IMPG1: variants seen among roughly 807,000 people sequenced by gnomAD.
IMPG1 encodes interphotoreceptor matrix proteoglycan of 150 kDa.
IMPG1 carries 85 observed loss-of-function variants against 92.0 expected under a neutral mutation model. The ratio of observed to expected loss-of-function variants is 0.92; its 90% CI spans 0.78 to 1.11. The LOEUF is 1.11. IMPG1 is among the 50% of genes least tolerant of loss of function. IMPG1 has a pLI of 0.00. For missense variants in IMPG1, 1,022 were observed against 956.0 expected (o/e 1.07, Z -0.91); for synonymous variants, 367 against 334.1 (o/e 1.10, Z -1.08).
chr6:76,035,423 T>TGGGAGGCGGAGGTTGCG (rs1783724298), intron 2 of IMPG1, among the ~76,000 whole-genome samples: 1 of 139,904 alleles, frequency 7.1e-6, no homozygotes, highest in Admixed American at 7.9e-5. Context: ...TGCTTGAACC[T>TGGGAGGCGGAGGTTGCG]GGGAGGCGGA....
chr6:75,962,468 G>A (rs965709513), intron 12 of IMPG1, among the ~76,000 whole-genome samples: 1 of 152,096 alleles, frequency 6.6e-6, no homozygotes, highest in Non-Finnish European at 1.5e-5. Context: ...CAAATAAAAG[G>A]TGTGTACCAA....
chr6:76,005,373 A>G lies in IMPG1; in HGVS notation c.1049T>C (p.Leu350Pro). The G allele has an allele frequency of 6.2e-7, 1 of 1,613,978 alleles. No individual in the cohort carries two copies. Among genetic ancestry groups the G allele is most frequent in the Non-Finnish European group, 8.5e-7 (1 of 1,179,902 alleles). ...MEEDKQPEIY[L>P]TATDLKRLIS... ...CAGCCTTTTGAGGTCTGTAGCTGTG[A>G]GATAGATTTCTGGTTGCTTGTCCTC... The change falls in exon 10 of 17, where the codon CTC becomes CCC. Residue 350 changes from leucine to proline, a missense_variant. Transcript: ENST00000369950.
chr6:76,049,527 A>C (rs1784000911), intron 1 of IMPG1, among the ~76,000 whole-genome samples: 1 of 152,140 alleles, frequency 6.6e-6, no homozygotes, highest in Non-Finnish European at 1.5e-5. Context: ...ATGTGCTTAT[A>C]GAGCCTGGTG....
intron 12 of IMPG1, among the ~76,000 whole-genome samples, chr6:75,955,133 T>G (rs2149459280): frequency 6.6e-6 from 1 of 152,354 alleles, no homozygotes; most frequent in South Asian, 2.1e-4. Context: ...AAAGTGTTTT[T>G]TTCTAATTCT....
intron 12 of IMPG1, among the ~76,000 whole-genome samples, chr6:75,962,526 G>A (rs1782227045): frequency 6.6e-6 from 1 of 152,102 alleles, no homozygotes; most frequent in Non-Finnish European, 1.5e-5. Flanking sequence ...CACAGAACAG[G>A]AGAATAAACC....
At chr6:75,932,516 A>T (rs1244927305) in intron 14 of IMPG1, among the ~76,000 whole-genome samples, 3 of 152,204 alleles carry the variant, frequency 2.0e-5, no homozygotes, top group Non-Finnish European at 4.4e-5. Context: ...GATTCTGGGG[A>T]GACAGAGCCA....
intron 1 of IMPG1, among the ~76,000 whole-genome samples, chr6:76,048,687 A>G (rs1783986557): frequency 6.6e-6 from 1 of 152,348 alleles, no homozygotes; most frequent in Admixed American, 6.5e-5. Flanking sequence ...CTATTAAAAA[A>G]ATCCTCTCTC....
intron 4 of IMPG1, among the ~76,000 whole-genome samples, chr6:76,029,723 C>A (rs768855834): frequency 2.0e-5 from 3 of 152,130 alleles, no homozygotes; most frequent in Non-Finnish European, 2.9e-5. Context: ...GTGCCCATCA[C>A]CTGGAGGTTT....
intron 7 of IMPG1, 152 bp downstream of exon 7, chr6:76,018,566 T>A (rs1178965163): frequency 3.3e-6 from 2 of 613,128 alleles, no homozygotes; most frequent in Non-Finnish European, 5.4e-6. Flanking sequence ...TTCTAACATG[T>A]TAGGGCCCAT....
At chr6:75,949,364 A>G (rs997490762) in intron 13 of IMPG1, among the ~76,000 whole-genome samples, 2 of 152,190 alleles carry the variant, frequency 1.3e-5, no homozygotes, top group Admixed American at 6.5e-5. Context: ...CGTCCTCACT[A>G]CTACATTCCC....
chr6:76,034,176 A>G (rs1783695965), intron 4 of IMPG1, 139 bp downstream of exon 4: 1 of 754,564 alleles, frequency 1.3e-6, no homozygotes, highest in Admixed American at 2.5e-5. Flanking sequence ...TATATGCAGG[A>G]ATTGTCTGTC....
At chr6:75,936,225 C>G (rs1416915046) in intron 14 of IMPG1, among the ~76,000 whole-genome samples, 1 of 152,238 alleles carries the variant, frequency 6.6e-6, no homozygotes, top group Non-Finnish European at 1.5e-5. Flanking sequence ...ATCAAGTGAT[C>G]ACTAATGTCC....
intron 1 of IMPG1, among the ~76,000 whole-genome samples, chr6:76,058,811 G>C (rs1033847310): frequency 2.0e-5 from 3 of 152,178 alleles, no homozygotes; most frequent in African/African-American, 7.2e-5. Flanking sequence ...CACTCCGTTT[G>C]AGTTTCTCTA....
chr6:75,973,085 C>T (rs181906601), intron 12 of IMPG1, among the ~76,000 whole-genome samples: 20 of 152,304 alleles, frequency 1.3e-4, no homozygotes, highest in Non-Finnish European at 1.0e-4. Context: ...TCGAGTGATC[C>T]TTCTGACTCA....
chr6:76,034,961 G>C (rs1240805809), intron 2 of IMPG1, among the ~76,000 whole-genome samples, 174 bp from the exon 3 acceptor site: 1 of 152,074 alleles, frequency 6.6e-6, no homozygotes, highest in African/African-American at 2.4e-5. Context: ...ATATGCTATG[G>C]AGAAAAAGGA....
chr6:75,954,921 G>A (rs908694574), intron 12 of IMPG1, among the ~76,000 whole-genome samples: 1 of 152,156 alleles, frequency 6.6e-6, no homozygotes, highest in Non-Finnish European at 1.5e-5. Context: ...TCAGATGATT[G>A]TAGATGTGTG....
In IMPG1 at chr6:76,049,578, C is replaced by CACACAATATATCTAACAATA. The variant is rs1582130111; in HGVS notation, c.68-7453_68-7452insTATTGTTAGATATATTGTGT. Among the ~76,000 whole-genome samples, 3 of 152,190 alleles carry CACACAATATATCTAACAATA rather than the reference C, an allele frequency of 2.0e-5. No homozygotes were observed. In the East Asian group the frequency reaches 5.8e-4, roughly 29 times the overall value. ...TATGACACTTCACCAGAAGGTGTGA[C>CACACAATATATCTAACAATA]TATCTAACACACAATATACAGAAAG... On this transcript the variant is annotated intron_variant, in intron 1 of 16. Coordinates refer to ENST00000369950, the MANE Select transcript of IMPG1 (RefSeq NM_001563.4).
intron 2 of IMPG1, among the ~76,000 whole-genome samples, chr6:76,040,929 A>G (rs1783825774): frequency 6.6e-6 from 1 of 152,204 alleles, no homozygotes; most frequent in African/African-American, 2.4e-5. Flanking sequence ...CTGGAATTGA[A>G]CAAGCTTGCT....
intron 1 of IMPG1, among the ~76,000 whole-genome samples, chr6:76,045,771 C>T (rs1402398867): frequency 2.0e-5 from 3 of 152,106 alleles, no homozygotes; most frequent in Admixed American, 2.0e-4. Context: ...ATGCTGTTCT[C>T]CAGTCCTGCA....
Sources: gnomAD v4.1 joint callset for allele counts (sites outside exome capture counted in the v4.1 genomes callset) on GRCh38, gnomAD v4.1.1 for gene constraint, MANE v1.5 for transcripts, NCBI Gene and HGNC (gene_info 2026-07-23, HGNC 2026-07-21) for gene names.